The following MSRB3 variants were observed in gnomAD, a reference collection of about 807,000 sequenced individuals.
MSRB3 encodes methionine sulfoxide reductase B3, also known as methionine-R-sulfoxide reductase B3.
MSRB3 carries 13 observed loss-of-function variants against 21.0 expected under a neutral mutation model. That is an observed-to-expected ratio of 0.62 (90% CI 0.40 to 0.98). MSRB3 has a LOEUF of 0.98. Ranked by LOEUF, MSRB3 falls within the 50% of genes least tolerant of loss-of-function variation. The pLI, the probability that MSRB3 is intolerant of heterozygous loss-of-function variation, is 0.00. For synonymous variants in MSRB3, 87 were observed against 88.6 expected, an observed-to-expected ratio of 0.98 and a Z score of 0.10; for missense variants, 199 against 230.3, an observed-to-expected ratio of 0.86 and a Z score of 0.88.
At chr12:65,416,914 G>T (rs1041568375) in intron 5 of MSRB3, among the ~76,000 whole-genome samples, 4 of 152,124 alleles carry the variant, frequency 2.6e-5, no homozygotes, top group African/African-American at 9.7e-5. Flanking sequence ...TTTTGGCCCT[G>T]CTTGGGTTTC....
At chr12:65,315,750 T>C (rs1204024773) in intron 2 of MSRB3, among the ~76,000 whole-genome samples, 25 of 151,948 alleles carry the variant, frequency 1.6e-4, no homozygotes, top group Non-Finnish European at 1.6e-4. Flanking sequence ...GATATACTTT[T>C]ATAGAGTTTA....
chr12:65,334,381 A>C (rs937293635), intron 4 of MSRB3, among the ~76,000 whole-genome samples: 3 of 152,216 alleles, frequency 2.0e-5, no homozygotes, highest in Admixed American at 6.5e-5. Flanking sequence ...CACAGCCAGT[A>C]TACAAATGGA....
intron 4 of MSRB3, among the ~76,000 whole-genome samples, chr12:65,363,403 T>C (rs933574147): frequency 1.4e-4 from 21 of 152,290 alleles, no homozygotes; most frequent in African/African-American, 4.6e-4. Flanking sequence ...TCCAGGAGTA[T>C]ACAGCTGTAA....
Position 65,453,777 on chromosome 12 carries a change from A to G in MSRB3, c.342A>G (p.Thr114=). The change falls in exon 6 of 7, where the codon ACA becomes ACG. Residue 114 remains threonine, a synonymous_variant. Coordinates refer to ENST00000308259, the MANE Select transcript of MSRB3 (RefSeq NM_001031679.3). ...DVINSEAITF[T]DDFSYGMHRV... is the part of the protein sequence containing the mutation. ...TCAATTCTGAGGCAATCACATTCAC[A>G]GATGACTTTTCCTATGGGATGCACA... 2 of 1,614,168 alleles carry G rather than the reference A, an allele frequency of 1.2e-6. No homozygotes were observed. Among genetic ancestry groups the G allele is most frequent in the Non-Finnish European group, 1.7e-6 (2 of 1,180,022 alleles).
chr12:65,336,907 C>A (rs1413852223), intron 4 of MSRB3, among the ~76,000 whole-genome samples: 1 of 152,182 alleles, frequency 6.6e-6, no homozygotes, highest in Non-Finnish European at 1.5e-5. Flanking sequence ...AACAAAGATA[C>A]AGAAGCCATC....
At chr12:65,319,618 C>T (rs1230254001) in intron 2 of MSRB3, among the ~76,000 whole-genome samples, 2 of 152,148 alleles carry the variant, frequency 1.3e-5, no homozygotes, top group Non-Finnish European at 2.9e-5. Flanking sequence ...AGCAGGAACA[C>T]TACCTTATTT....
intron 4 of MSRB3, among the ~76,000 whole-genome samples, chr12:65,361,955 T>G (rs533169237): frequency 6.6e-6 from 1 of 152,172 alleles, no homozygotes; most frequent in African/African-American, 2.4e-5. Context: ...ACCTTTTATT[T>G]AAATCATTAT....
At chr12:65,445,630 T>G (rs1882579298) in intron 5 of MSRB3, among the ~76,000 whole-genome samples, 1 of 149,400 alleles carries the variant, frequency 6.7e-6, no homozygotes, top group Admixed American at 6.9e-5. Context: ...TTCCCTACTT[T>G]TCAAGACACA....
intron 4 of MSRB3, among the ~76,000 whole-genome samples, chr12:65,337,430 CAAAAAAAAAAAAA>C (rs780302211): frequency 3.9e-4 from 17 of 43,592 alleles, no homozygotes; most frequent in South Asian, 1.7e-3. Flanking sequence ...GAGACTACAT[CAAAAAAAAAAAAA>C]AAAAAAAAAA....
intron 5 of MSRB3, among the ~76,000 whole-genome samples, chr12:65,413,872 GAGA>G (rs1352270401): frequency 6.6e-6 from 1 of 152,296 alleles, no homozygotes; most frequent in African/African-American, 2.4e-5. Flanking sequence ...AGGTCTCAGG[GAGA>G]AGAAGACATG....
chr12:65,429,824 G>A (rs1329377264), intron 5 of MSRB3, among the ~76,000 whole-genome samples: 1 of 152,276 alleles, frequency 6.6e-6, no homozygotes, highest in East Asian at 1.9e-4. Flanking sequence ...GATATGCACA[G>A]TTCATACAGA....
chr12:65,429,652 T>C (rs1191028723), intron 5 of MSRB3, among the ~76,000 whole-genome samples: 9 of 152,058 alleles, frequency 5.9e-5, no homozygotes, highest in Non-Finnish European at 5.9e-5. Context: ...AGAGTAAGAG[T>C]GTCATACATT....
intron 5 of MSRB3, among the ~76,000 whole-genome samples, chr12:65,428,159 T>C (rs1420841197): frequency 6.6e-6 from 1 of 152,210 alleles, no homozygotes; most frequent in Non-Finnish European, 1.5e-5. Flanking sequence ...GCAAAAGATA[T>C]TGTTGTCATC....
intron 5 of MSRB3, among the ~76,000 whole-genome samples, chr12:65,385,800 C>T (rs11175739): frequency 0.048 from 7,216 of 151,888 alleles, 576 homozygotes; most frequent in African/African-American, 0.17. Flanking sequence ...TATTATGCCT[C>T]CTTGTGGTCT....
At chr12:65,418,842 A>T (rs1881120964) in intron 5 of MSRB3, 1 of 851,258 alleles carries the variant, frequency 1.2e-6, no homozygotes, top group African/African-American at 1.7e-5. Context: ...CATCACCAAG[A>T]CTGAAGTCCT....
chr12:65,337,597 A>G (rs1474068136), intron 4 of MSRB3, among the ~76,000 whole-genome samples: 1 of 152,192 alleles, frequency 6.6e-6, no homozygotes, highest in East Asian at 1.9e-4. Context: ...AGGATCACAG[A>G]AACATGCTAG....
Position 65,348,251 on chromosome 12 carries a change from C to A in MSRB3, c.263+19648C>A, listed in dbSNP as rs187376183. ...TGGTTGGTAAGCTATTAATTATTGC[C>A]TCAATTTCAGAGCATGTTATTGGTC... is the stretch of plus-strand genomic sequence containing the variant. On this transcript the variant is annotated intron_variant, in intron 4 of 6. Coordinates refer to ENST00000308259, the MANE Select transcript of MSRB3 (RefSeq NM_001031679.3). Among the ~76,000 whole-genome samples, 383 of 152,234 alleles carry A rather than the reference C, an allele frequency of 2.5e-3. 1 individual carries two copies. The highest frequency in any genetic ancestry group is 3.2e-3 in the Non-Finnish European group (217 of 68,020).
intron 5 of MSRB3, chr12:65,418,737 T>G (rs1409387491): frequency 2.2e-6 from 2 of 907,754 alleles, no homozygotes; most frequent in Non-Finnish European, 3.6e-6. Flanking sequence ...GTCTCAGAAC[T>G]TTGGTGTCAT....
chr12:65,362,133 G>T (rs1332404915), intron 4 of MSRB3, among the ~76,000 whole-genome samples: 4 of 152,108 alleles, frequency 2.6e-5, no homozygotes, highest in Non-Finnish European at 4.4e-5. Context: ...TCTAGAGAAA[G>T]GCAGGTTTGG....
Sources: allele counts gnomAD v4.1 joint callset (sites outside exome capture counted in the v4.1 genomes callset), GRCh38; gene constraint gnomAD v4.1.1; transcripts MANE v1.5; gene names NCBI Gene and HGNC (gene_info 2026-07-23, HGNC 2026-07-21).